ENAH: variants seen among roughly 807,000 people sequenced by gnomAD.
ENAH encodes the protein protein enabled homolog.
A neutral mutation model predicts 78.7 loss-of-function variants in ENAH; 23 were observed. The ratio of observed to expected loss-of-function variants is 0.29; its 90% confidence interval spans 0.21 to 0.41. The LOEUF (loss-of-function observed/expected upper bound fraction) is 0.41, where lower values mean the gene tolerates loss of function less well. Ranked by LOEUF, ENAH falls within the 10% of genes least tolerant of loss-of-function variation. The pLI, the probability that ENAH is intolerant of heterozygous loss-of-function variation, is 1.00. For synonymous variants in ENAH, 226 were observed against 241.0 expected (o/e 0.94, Z 0.58); for missense variants, 544 against 691.0 (o/e 0.79, Z 2.39).
At chr1:225,538,560 G>A (rs1226227970) in intron 3 of ENAH, among the ~76,000 whole-genome samples, 4 of 149,976 alleles carry the variant, frequency 2.7e-5, no homozygotes, top group Non-Finnish European at 4.4e-5. Flanking sequence ...CTTCCCCCCC[G>A]CCTTTTTTTT....
intron 1 of ENAH, among the ~76,000 whole-genome samples, chr1:225,633,934 A>T (rs1659581709): frequency 6.6e-6 from 1 of 152,242 alleles, no homozygotes; most frequent in South Asian, 2.1e-4. Flanking sequence ...GACATTTAAT[A>T]TCAGGTCTTT....
chr1:225,583,408 T>A (rs1377448608), intron 1 of ENAH, among the ~76,000 whole-genome samples: 1 of 129,306 alleles, frequency 7.7e-6, no homozygotes. Flanking sequence ...CACTCCAGAC[T>A]GGGCGACAGA....
At chr1:225,517,520 G>C in intron 5 of ENAH, 1 of 1,551,724 alleles carries the variant, frequency 6.4e-7, no homozygotes, top group Admixed American at 2.0e-5. Flanking sequence ...GTCGGTGATG[G>C]AGGCATTTGG....
intron 1 of ENAH, among the ~76,000 whole-genome samples, chr1:225,604,387 G>A (rs1030154421): frequency 2.0e-5 from 3 of 152,202 alleles, no homozygotes; most frequent in African/African-American, 7.2e-5. Context: ...TAATATAAAT[G>A]GGGGTAAATA....
intron 2 of ENAH, among the ~76,000 whole-genome samples, chr1:225,566,780 A>G (rs1232857716): frequency 6.6e-6 from 1 of 152,224 alleles, no homozygotes; most frequent in African/African-American, 2.4e-5. Flanking sequence ...CATGAACTGC[A>G]AAAGCCAAAC....
At position 225,490,062 on chromosome 1, in the gene ENAH, G is replaced by C. The variant is rs1162016029; in HGVS notation, c.*7713C>G. Reference sequence around the variant, plus strand: ...TTTAAAAAAAGAACTCAACTTTAGAGGTAGAAGGCTCAGAGAGAATGACTG... The same window carrying C: ...TTTAAAAAAAGAACTCAACTTTAGACGTAGAAGGCTCAGAGAGAATGACTG... On this transcript the variant is annotated 3_prime_UTR_variant, in exon 14 of 14. Transcript: ENST00000366843. 6.6e-6 allele frequency: 1 copy of C among 152,096 alleles called. No individual in the cohort carries two copies. The highest frequency in any genetic ancestry group is 2.4e-5 in the African/African-American group (1 of 41,406). The allele number at this position is 152,096 out of a possible 1,614,324, so 9.4% of individuals were successfully genotyped here.
At chr1:225,552,019 G>A (rs2096642895) in intron 3 of ENAH, among the ~76,000 whole-genome samples, 2 of 151,762 alleles carry the variant, frequency 1.3e-5, no homozygotes, top group South Asian at 4.2e-4. Context: ...TATTGGGTAT[G>A]TTTGTTTAGA....
chr1:225,580,850 G>A (rs1346018098), intron 1 of ENAH, among the ~76,000 whole-genome samples: 10 of 145,580 alleles, frequency 6.9e-5, no homozygotes, highest in East Asian at 2.0e-4. Flanking sequence ...GCAGTGAGCC[G>A]AGATCGCATC....
intron 11 of ENAH, 77 bp from the exon 12 acceptor site, chr1:225,501,147 C>A: frequency 9.4e-7 from 1 of 1,062,196 alleles, no homozygotes; most frequent in African/African-American, 1.6e-5. Context: ...TGCAAATTTA[C>A]CAACCCAACA....
At chr1:225,597,655 CAAAAA>C (rs565567062) in intron 1 of ENAH, among the ~76,000 whole-genome samples, 2 of 61,172 alleles carry the variant, frequency 3.3e-5, no homozygotes, top group African/African-American at 4.7e-5. Context: ...AAGAGCATCT[CAAAAA>C]AAAAAAAAAA....
intron 1 of ENAH, among the ~76,000 whole-genome samples, chr1:225,621,599 A>G (rs544939149): frequency 1.3e-5 from 2 of 152,258 alleles, no homozygotes; most frequent in South Asian, 4.2e-4. Flanking sequence ...GCCTAAATCT[A>G]TCTCTTAATC....
intron 1 of ENAH, among the ~76,000 whole-genome samples, chr1:225,591,467 TAAA>T (rs776686674): frequency 8.8e-6 from 1 of 113,258 alleles, no homozygotes; most frequent in Admixed American, 9.2e-5. Context: ...AAACTACGTT[TAAA>T]AAAAAAAAAA....
intron 1 of ENAH, among the ~76,000 whole-genome samples, chr1:225,622,541 T>C (rs1409904449): frequency 6.6e-6 from 1 of 152,098 alleles, no homozygotes; most frequent in Non-Finnish European, 1.5e-5. Context: ...TAAACATGAG[T>C]GTACTGCTCA....
intron 1 of ENAH, 131 bp from the exon 2 acceptor site, chr1:225,567,545 A>G (rs1456712155): frequency 2.4e-6 from 2 of 844,188 alleles, no homozygotes; most frequent in Non-Finnish European, 3.5e-6. Flanking sequence ...AATAATGGAC[A>G]AGACAGAGGC....
At chr1:225,554,712 A>T (rs1575508761) in intron 3 of ENAH, among the ~76,000 whole-genome samples, 194 bp downstream of exon 3, 1 of 152,258 alleles carries the variant, frequency 6.6e-6, no homozygotes, top group East Asian at 1.9e-4. Context: ...TACATTTATC[A>T]TCAATAAAAA....
intron 1 of ENAH, among the ~76,000 whole-genome samples, chr1:225,638,207 C>T (rs1360856364): frequency 6.6e-6 from 1 of 152,032 alleles, no homozygotes; most frequent in Admixed American, 6.5e-5. Context: ...TTGACTAACC[C>T]CAAAATGCAA....
intron 1 of ENAH, among the ~76,000 whole-genome samples, chr1:225,572,683 A>G (rs1281403270): frequency 6.6e-6 from 1 of 152,216 alleles, no homozygotes; most frequent in Non-Finnish European, 1.5e-5. Flanking sequence ...CATCATGACA[A>G]GCCTCAAAAT....
rs879708496 is a variant in ENAH at position 225,487,987 on chromosome 1, T to C, written c.*9788A>G. ...CTTCTAAATCTCATAATAGAAATTATGTACGTTGTTCTTTAACCAGAAAGG... is the reference window on the plus strand; with the variant it reads ...CTTCTAAATCTCATAATAGAAATTACGTACGTTGTTCTTTAACCAGAAAGG... On this transcript the variant is annotated 3_prime_UTR_variant, in exon 14 of 14. Transcript: ENST00000366843. 3.9e-5 allele frequency: 6 copies of C among 152,066 alleles called. No homozygotes were observed. The highest frequency in any genetic ancestry group is 1.2e-4 in the African/African-American group (5 of 41,418). The allele number at this position is 152,066 out of a possible 1,614,324, so 9.4% of individuals were successfully genotyped here.
intron 1 of ENAH, among the ~76,000 whole-genome samples, chr1:225,601,966 A>G (rs1210404898): frequency 1.3e-5 from 2 of 152,062 alleles, no homozygotes; most frequent in Non-Finnish European, 2.9e-5. Context: ...AATAAAAAGG[A>G]AAGAAATAAT....
Sources: gnomAD v4.1 joint callset for allele counts (sites outside exome capture counted in the v4.1 genomes callset) on GRCh38, gnomAD v4.1.1 for gene constraint, MANE v1.5 for transcripts, NCBI Gene and HGNC (gene_info 2026-07-23, HGNC 2026-07-21) for gene names.